The following FGF13 variants were observed in gnomAD, a reference collection of about 807,000 sequenced individuals.
FGF13 encodes fibroblast growth factor homologous factor 2.
A neutral mutation model predicts 19.5 loss-of-function variants in FGF13; 2 were observed. The observed-to-expected ratio is 0.10, with a 90% CI of 0.04 to 0.32. FGF13 has a LOEUF of 0.32. FGF13 is among the 10% of genes least tolerant of loss of function. The pLI, the probability that FGF13 is intolerant of heterozygous loss-of-function variation, is 1.00. For synonymous variants in FGF13, 72 were observed against 76.9 expected, an observed-to-expected ratio of 0.94 and a Z score of 0.33; for missense variants, 113 against 192.7, an observed-to-expected ratio of 0.59 and a Z score of 2.45.
chrX:138,863,358 G>A (rs764417718), intron 2 of FGF13, among the ~76,000 whole-genome samples: 2 of 111,303 alleles, frequency 1.8e-5, no homozygotes, highest in African/African-American at 6.5e-5. Context: ...TGATGCTAAG[G>A]CATACAGTCA....
intron 1 of FGF13, among the ~76,000 whole-genome samples, chrX:139,046,306 C>T (rs189594583): frequency 8.4e-4 from 94 of 111,285 alleles, no homozygotes; most frequent in Non-Finnish European, 1.2e-3. Flanking sequence ...AACTGAGCCA[C>T]GAGGGATCCG....
At chrX:138,871,657 G>T (rs1051094202) in intron 1 of FGF13, among the ~76,000 whole-genome samples, 2 of 112,307 alleles carry the variant, frequency 1.8e-5, no homozygotes, top group Non-Finnish European at 1.9e-5. Context: ...TGGCGCAGAG[G>T]CTGGAGGAAG....
intron 3 of FGF13, among the ~76,000 whole-genome samples, chrX:138,814,089 T>C (rs763209419): frequency 3.2e-4 from 36 of 110,787 alleles, no homozygotes; most frequent in Middle Eastern, 4.7e-3. Flanking sequence ...GAAAGGAAAG[T>C]AGACTTGAAG....
chrX:139,050,513 G>A (rs917643059), intron 1 of FGF13, among the ~76,000 whole-genome samples: 1 of 111,578 alleles, frequency 9.0e-6, no homozygotes, highest in Non-Finnish European at 1.9e-5. Context: ...AAAAATGAAT[G>A]AATGAATAGG....
At chrX:138,787,151 G>A (rs986932135) in intron 3 of FGF13, among the ~76,000 whole-genome samples, 3 of 112,535 alleles carry the variant, frequency 2.7e-5, no homozygotes, top group Non-Finnish European at 5.6e-5. Context: ...TATCTGCACT[G>A]TGAAAATGTT....
chrX:138,713,755 C>T (rs560928615), upstream of FGF13, among the ~76,000 whole-genome samples: 5 of 112,150 alleles, frequency 4.5e-5, no homozygotes, highest in African/African-American at 1.3e-4. Flanking sequence ...TTGGTGTGGA[C>T]ACTCTGTGGT....
intron 1 of FGF13, among the ~76,000 whole-genome samples, chrX:139,132,436 T>A (rs1282759739): frequency 2.7e-5 from 3 of 112,523 alleles, no homozygotes; most frequent in Middle Eastern, 4.7e-3. Context: ...ATGTTGGTAA[T>A]TTCCCTTAAT....
intron 1 of FGF13, among the ~76,000 whole-genome samples, chrX:139,013,041 A>G (rs986941203): frequency 9.0e-6 from 1 of 111,677 alleles, no homozygotes; most frequent in Non-Finnish European, 1.9e-5. Context: ...AGAACATGAA[A>G]AGACAGTTCT....
chrX:139,180,231 T>C (rs73572147), intron 1 of FGF13, among the ~76,000 whole-genome samples: 4,326 of 112,107 alleles, frequency 0.039, 182 homozygotes, highest in African/African-American at 0.12. Flanking sequence ...TTATATTTTA[T>C]ACTCTTCCAA....
upstream of FGF13, chrX:138,711,734 C>G (rs1386115255): frequency 5.4e-6 from 4 of 735,198 alleles, no homozygotes; most frequent in Non-Finnish European, 6.4e-6. Flanking sequence ...CTTGCAGCCC[C>G]CTCCCGCGAC....
chrX:139,087,887 T>C (rs1413872984), intron 1 of FGF13, among the ~76,000 whole-genome samples: 1 of 112,175 alleles, frequency 8.9e-6, no homozygotes, highest in African/African-American at 3.2e-5. Flanking sequence ...TTTGTATAGA[T>C]TAATTTCTGA....
intron 3 of FGF13, among the ~76,000 whole-genome samples, chrX:138,764,848 T>C (rs1033048508): frequency 1.8e-5 from 2 of 112,203 alleles, no homozygotes; most frequent in African/African-American, 6.5e-5. Flanking sequence ...TCCAATTAGG[T>C]GATGCATATA....
chrX:138,838,365 C>G (rs1269197466), intron 3 of FGF13, among the ~76,000 whole-genome samples: 1 of 111,930 alleles, frequency 8.9e-6, no homozygotes, highest in Non-Finnish European at 1.9e-5. Context: ...TCCACATGTG[C>G]CTGAGTGGCT....
intron 1 of FGF13, among the ~76,000 whole-genome samples, chrX:138,869,648 T>G (rs7887496): frequency 0.026 from 2,950 of 112,411 alleles, 94 homozygotes; most frequent in African/African-American, 0.09. Flanking sequence ...TCTACCTATT[T>G]GCTGTGGAGG....
chrX:138,946,207 G>A (rs1167739184), intron 1 of FGF13, among the ~76,000 whole-genome samples: 2 of 111,596 alleles, frequency 1.8e-5, no homozygotes, highest in African/African-American at 3.2e-5. Flanking sequence ...CCAGTATCTA[G>A]CACATGATTG....
downstream of FGF13, among the ~76,000 whole-genome samples, chrX:138,853,620 CGTGTGTGTGT>C (rs34651876): frequency 7.0e-5 from 7 of 99,901 alleles, no homozygotes; most frequent in African/African-American, 2.2e-4. Context: ...TGTGCGTGTG[CGTGTGTGTGT>C]GTGTGTGTGT....
chrX:138,701,457 G>C (rs1223849332), intron 3 of FGF13, among the ~76,000 whole-genome samples: 1 of 111,874 alleles, frequency 8.9e-6, no homozygotes, highest in Non-Finnish European at 1.9e-5. Context: ...TAGCACTCTA[G>C]TAATAAAATG....
chrX:138,849,203 A>G (rs1229691019), intron 3 of FGF13, among the ~76,000 whole-genome samples: 1 of 111,695 alleles, frequency 9.0e-6, no homozygotes, highest in Non-Finnish European at 1.9e-5. Flanking sequence ...AGTAGCTAGA[A>G]GATGCTGTTT....
chrX:138,858,692 G>A (rs778213469), intron 2 of FGF13, among the ~76,000 whole-genome samples: 4 of 110,660 alleles, frequency 3.6e-5, no homozygotes, highest in South Asian at 3.9e-4. Context: ...CACTTAACAC[G>A]CATGTAGGAG....
Sources: gnomAD v4.1 joint callset for allele counts (sites outside exome capture counted in the v4.1 genomes callset) on GRCh38, gnomAD v4.1.1 for gene constraint, MANE v1.5 for transcripts, NCBI Gene and HGNC (gene_info 2026-07-23, HGNC 2026-07-21) for gene names.